The following CELF4 variants were observed in gnomAD, a reference collection of about 807,000 sequenced individuals.
CELF4 encodes the protein CUGBP Elav-like family member 4.
CELF4 carries 18 observed loss-of-function variants against 59.9 expected under a neutral mutation model. The ratio of observed to expected loss-of-function variants is 0.30; its 90% CI spans 0.21 to 0.45. CELF4 has a LOEUF of 0.45. Among genes scored for constraint, CELF4 ranks in the 20% least tolerant of loss-of-function variants. The pLI is 1.00. For synonymous variants in CELF4, 261 were observed against 267.1 expected (o/e 0.98, Z 0.22); for missense variants, 456 against 689.0 (o/e 0.66, Z 3.79).
chr18:37,502,393 G>T (rs969748321), intron 1 of CELF4, among the ~76,000 whole-genome samples: 8 of 152,154 alleles, frequency 5.3e-5, no homozygotes, highest in African/African-American at 4.8e-5. Context: ...AGGAAGGAAG[G>T]GGGGGCAGGG....
chr18:37,380,794 T>G (rs2099029945), intron 2 of CELF4, among the ~76,000 whole-genome samples: 1 of 148,948 alleles, frequency 6.7e-6, no homozygotes, highest in Non-Finnish European at 1.5e-5. Flanking sequence ...TCTCCATGAA[T>G]CCATCCATCC....
intron 1 of CELF4, among the ~76,000 whole-genome samples, chr18:37,488,833 A>C (rs1292968665): frequency 6.6e-6 from 1 of 152,172 alleles, no homozygotes; most frequent in Non-Finnish European, 1.5e-5. Context: ...GTATTTGTGA[A>C]AGGAATGGAG....
chr18:37,560,790 C>T (rs1160529338), intron 1 of CELF4, among the ~76,000 whole-genome samples: 5 of 152,196 alleles, frequency 3.3e-5, no homozygotes, highest in Non-Finnish European at 7.3e-5. Flanking sequence ...CACCTGTCTA[C>T]AGCAGGAAAA....
intron 2 of CELF4, among the ~76,000 whole-genome samples, chr18:37,394,933 T>G (rs1190284617): frequency 2.0e-5 from 3 of 148,610 alleles, no homozygotes; most frequent in Non-Finnish European, 4.5e-5. Context: ...CTTCCTGCCA[T>G]GCCCAAGACC....
Position 37,420,115 on chromosome 18 carries a change from T to C in CELF4, c.369+65410A>G, listed in dbSNP as rs573934057. ...TCCAAGCCCTGGCCTAAAAGTGGCC[T>C]GCTATGTGGTGGGGGAACCTTGACC... On this transcript the variant is annotated intron_variant, in intron 2 of 12. Coordinates refer to ENST00000420428, the MANE Select transcript of CELF4 (RefSeq NM_020180.4). Among the ~76,000 whole-genome samples the C allele has an allele frequency of 3.9e-5, 6 of 152,272 alleles. No individual in the cohort carries two copies. In the East Asian group the frequency reaches 1.2e-3, roughly 29 times the overall value.
chr18:37,264,605 C>G, intron 10 of CELF4, 69 bp downstream of exon 10: 1 of 1,357,246 alleles, frequency 7.4e-7, no homozygotes, highest in East Asian at 2.5e-5. Flanking sequence ...CAGCCCAAGG[C>G]CCAGGTGAGC....
chr18:37,484,351 T>C (rs2099876591), intron 2 of CELF4, among the ~76,000 whole-genome samples: 1 of 152,180 alleles, frequency 6.6e-6, no homozygotes, highest in South Asian at 2.1e-4. Flanking sequence ...ATTACTATAA[T>C]ATATGTGCAT....
intron 2 of CELF4, among the ~76,000 whole-genome samples, chr18:37,367,680 T>C (rs2098802706): frequency 6.6e-6 from 1 of 151,546 alleles, no homozygotes; most frequent in African/African-American, 2.4e-5. Flanking sequence ...GAGACTGTGT[T>C]TTTTTCTTTT....
intron 3 of CELF4, among the ~76,000 whole-genome samples, chr18:37,279,716 A>G (rs910330496): frequency 6.6e-6 from 1 of 152,224 alleles, no homozygotes; most frequent in Non-Finnish European, 1.5e-5. Flanking sequence ...GGGCTGGCAC[A>G]CTGTGGCCCC....
chr18:37,504,031 T>A (rs1417989736), intron 1 of CELF4, among the ~76,000 whole-genome samples: 4 of 152,198 alleles, frequency 2.6e-5, no homozygotes, highest in African/African-American at 9.6e-5. Flanking sequence ...TGGAAGAGCT[T>A]TCTCTTAGAA....
At chr18:37,362,408 T>C (rs74365623) in intron 2 of CELF4, among the ~76,000 whole-genome samples, 9,150 of 152,274 alleles carry the variant, frequency 0.06, 451 homozygotes, top group Admixed American at 0.13. Flanking sequence ...TCTTCTGGGA[T>C]TGGCGATTCT....
intron 1 of CELF4, among the ~76,000 whole-genome samples, chr18:37,489,372 A>G (rs1042739010): frequency 2.0e-5 from 3 of 152,116 alleles, no homozygotes; most frequent in Non-Finnish European, 2.9e-5. Context: ...AGAATTTGCC[A>G]TCACAGGGTG....
At chr18:37,474,081 G>A (rs898696435) in intron 2 of CELF4, 10 of 152,210 alleles carry the variant, frequency 6.6e-5, no homozygotes, top group African/African-American at 9.7e-5. Context: ...ACTCTGTTAC[G>A]TTGTTGCTGT....
chr18:37,558,693 C>T lies in CELF4; in HGVS notation c.286+6663G>A, dbSNP rs1276440475. ...AGGTGAAAGGAGTGGATTTTCTGCT[C>T]TTGTTATAGAGAGCCCAAAAGGAGG... is the stretch of plus-strand genomic sequence containing the variant. On this transcript the variant is annotated intron_variant, in intron 1 of 12. Transcript: ENST00000420428. 2.0e-5 allele frequency among the ~76,000 whole-genome samples: 3 copies of T among 151,802 alleles called. No homozygotes were observed. The East Asian group carries it at 5.9e-4, about 30-fold the overall frequency.
At chr18:37,449,729 G>A (rs2099757834) in intron 2 of CELF4, among the ~76,000 whole-genome samples, 1 of 152,210 alleles carries the variant, frequency 6.6e-6, no homozygotes, top group African/African-American at 2.4e-5. Context: ...AAAAGAAACT[G>A]GAAGGAAGTG....
chr18:37,490,399 TA>T (rs1247801259), intron 1 of CELF4, among the ~76,000 whole-genome samples: 1 of 152,080 alleles, frequency 6.6e-6, no homozygotes, highest in Non-Finnish European at 1.5e-5. Flanking sequence ...AAATCTTTAC[TA>T]AAAGAGTAGG....
chr18:37,326,377 C>G (rs1055574589), intron 2 of CELF4, among the ~76,000 whole-genome samples: 3 of 152,204 alleles, frequency 2.0e-5, no homozygotes, highest in African/African-American at 7.2e-5. Flanking sequence ...TTTTCCTGCC[C>G]CCGTCTCTGC....
intron 2 of CELF4, among the ~76,000 whole-genome samples, chr18:37,333,047 G>A (rs1019121985): frequency 3.0e-4 from 45 of 152,238 alleles, no homozygotes; most frequent in African/African-American, 1.1e-3. Flanking sequence ...GGGTGGGGGA[G>A]TGAGGGTGTG....
chr18:37,305,175 T>C (rs2096314953), intron 3 of CELF4: 1 of 152,152 alleles, frequency 6.6e-6, no homozygotes, highest in South Asian at 2.1e-4. Context: ...TGCCGCCACG[T>C]TGGGGTAATT....
Sources: allele counts gnomAD v4.1 joint callset (sites outside exome capture counted in the v4.1 genomes callset), GRCh38; gene constraint gnomAD v4.1.1; transcripts MANE v1.5; gene names NCBI Gene and HGNC (gene_info 2026-07-23, HGNC 2026-07-21).